DCP1B: variants seen among roughly 807,000 people sequenced by gnomAD.
DCP1B encodes the protein decapping mRNA 1B.
DCP1B carries 47 observed loss-of-function variants against 60.5 expected under a neutral mutation model. The observed-to-expected ratio is 0.78, with a 90% CI of 0.61 to 0.99. The LOEUF is 0.99. Ranked by LOEUF, DCP1B falls within the 50% of genes least tolerant of loss-of-function variation. The pLI, the probability that DCP1B is intolerant of heterozygous loss-of-function variation, is 0.00. For synonymous variants in DCP1B, 267 were observed against 280.3 expected (o/e 0.95, Z 0.47); for missense variants, 725 against 756.8 (o/e 0.96, Z 0.49).
At chr12:1,959,357 G>A (rs1290707473) in intron 5 of DCP1B, among the ~76,000 whole-genome samples, 1 of 152,202 alleles carries the variant, frequency 6.6e-6, no homozygotes, top group East Asian at 1.9e-4. Context: ...CATGTCCAAA[G>A]TAGATAAGGA....
chr12:1,956,433 C>G (rs1312022809), intron 5 of DCP1B, among the ~76,000 whole-genome samples: 2 of 152,190 alleles, frequency 1.3e-5, no homozygotes, highest in African/African-American at 4.8e-5. Flanking sequence ...TAAACACAAT[C>G]TTGTCCCTCA....
chr12:1,974,141 T>A (rs1001281589), intron 3 of DCP1B, among the ~76,000 whole-genome samples: 1 of 152,140 alleles, frequency 6.6e-6, no homozygotes, highest in African/African-American at 2.4e-5. Flanking sequence ...ACTTGCTGAG[T>A]TGAAATGAAA....
At chr12:1,987,926 T>G (rs1228440561) in intron 3 of DCP1B, among the ~76,000 whole-genome samples, 2 of 152,350 alleles carry the variant, frequency 1.3e-5, no homozygotes, top group Non-Finnish European at 2.9e-5. Flanking sequence ...CACCAAACTC[T>G]TAAAAAGTAG....
chr12:1,974,484 A>G (rs1565791371), intron 3 of DCP1B, among the ~76,000 whole-genome samples: 1 of 152,142 alleles, frequency 6.6e-6, no homozygotes, highest in Non-Finnish European at 1.5e-5. Flanking sequence ...GTACTCGTTT[A>G]ATGTGTATTT....
At chr12:1,990,267 T>C (rs997275415) in intron 3 of DCP1B, among the ~76,000 whole-genome samples, 9 of 152,192 alleles carry the variant, frequency 5.9e-5, no homozygotes, top group African/African-American at 2.2e-4. Flanking sequence ...ACAGTAAATG[T>C]TTGTTGAATA....
intron 5 of DCP1B, among the ~76,000 whole-genome samples, 161 bp downstream of exon 5, chr12:1,965,397 A>G (rs553460975): frequency 2.0e-5 from 3 of 152,286 alleles, no homozygotes; most frequent in South Asian, 4.1e-4. Flanking sequence ...AGTTTTCTTC[A>G]GCTTATAAAA....
At chr12:2,004,078 AC>A in intron 1 of DCP1B, 1 of 695,312 alleles carries the variant, frequency 1.4e-6, no homozygotes, top group Non-Finnish European at 2.4e-6. Flanking sequence ...CTTTTCCCCA[AC>A]TCCAGGTAGC....
Position 1,948,535 on chromosome 12 carries a change from C to A in DCP1B, c.1773+551G>T, listed in dbSNP as rs2240611. Among the ~76,000 whole-genome samples, 73,319 of 152,118 alleles carry A rather than the reference C, an allele frequency of 0.48. 17,894 individuals carry two copies. The highest frequency in any genetic ancestry group is 0.73 in the East Asian group (3,786 of 5,184). ...AGCACTCATTATTATTTCATAATTT[C>A]ATAGGCAAGTGAGGCTAGCAGCTCA... On this transcript the variant is annotated intron_variant, in intron 8 of 8. Transcript: ENST00000280665. This position sits in a 1 kb window ranked among gnomAD's most constrained non-coding sequence, Gnocchi z 4.8.
chr12:1,974,189 G>T (rs1309565415), intron 3 of DCP1B, among the ~76,000 whole-genome samples: 4 of 152,068 alleles, frequency 2.6e-5, no homozygotes, highest in African/African-American at 9.7e-5. Flanking sequence ...AATAACCCTT[G>T]TAATTGCTAA....
At chr12:1,990,523 T>A (rs542849579) in intron 3 of DCP1B, among the ~76,000 whole-genome samples, 1 of 152,262 alleles carries the variant, frequency 6.6e-6, no homozygotes, top group Non-Finnish European at 1.5e-5. Context: ...TCTACATTCA[T>A]CCAATTCAAG....
intron 3 of DCP1B, among the ~76,000 whole-genome samples, chr12:1,979,022 C>T (rs1325242595): frequency 3.9e-5 from 6 of 152,118 alleles, no homozygotes; most frequent in African/African-American, 1.2e-4. Flanking sequence ...TTTGTGTGGA[C>T]ATGTGCTTTC....
chr12:1,949,095 G>T lies in DCP1B; in HGVS notation c.1764C>A (p.Tyr588Ter). 1 of 1,613,808 alleles carries T rather than the reference G, an allele frequency of 6.2e-7. No homozygotes were observed. The highest frequency in any genetic ancestry group is 8.5e-7 in the Non-Finnish European group (1 of 1,179,790). The change falls in exon 8 of 9, where the codon TAC (tyrosine) becomes TAA (stop). Residue 588 changes from tyrosine (Y) to a stop codon, truncating the protein, a stop_gained. Transcript: ENST00000280665. LOFTEE classifies it high-confidence loss of function. ...TGACGTGCTTGCTTACCTGAATGAG[G>T]TACAGCAGTGCCTCCTGGAGCTGGA... ...TKLQLQEALL[Y>*]LIQNDDNFLN...
intron 3 of DCP1B, among the ~76,000 whole-genome samples, chr12:1,979,832 T>C (rs2035586963): frequency 6.6e-6 from 1 of 152,254 alleles, no homozygotes. Flanking sequence ...TTATTTGGGC[T>C]TTAATCTGCA....
downstream of DCP1B, among the ~76,000 whole-genome samples, chr12:1,945,286 T>C (rs960709960): frequency 6.6e-6 from 1 of 152,162 alleles, no homozygotes; most frequent in African/African-American, 2.4e-5. Context: ...CAACAGATGC[T>C]GGAGAGGATG....
chr12:1,960,148 T>C (rs1166640203), intron 5 of DCP1B, among the ~76,000 whole-genome samples: 1 of 152,166 alleles, frequency 6.6e-6, no homozygotes, highest in African/African-American at 2.4e-5. Flanking sequence ...TAAGTGTTCA[T>C]CAATGAATGA....
chr12:1,946,151 C>A lies in DCP1B; in HGVS notation c.*55G>T. The A allele has an allele frequency of 7.5e-7, 1 of 1,341,672 alleles. No individual in the cohort carries two copies. 83.1% of individuals were successfully genotyped at this position (1,341,672 alleles called of 1,614,324 possible). On this transcript the variant is annotated 3_prime_UTR_variant, in exon 9 of 9. Transcript: ENST00000280665. ...GGAAACAACACTCAACATGAAAGAA[C>A]CTTGTGCCGGAGTTCTAGAAGGACC...
In DCP1B at chr12:1,948,172, T is replaced by C. The variant is rs985895852; in HGVS notation, c.1773+914A>G. 6.6e-6 allele frequency among the ~76,000 whole-genome samples: 1 copy of C among 152,244 alleles called. No individual in the cohort carries two copies. The highest frequency in any genetic ancestry group is 2.4e-5 in the African/African-American group (1 of 41,466). ...TCTGAAGTCTGTCTGGCTACAAATG[T>C]TCCACTTTTCAAGGACTGCCGTTGA... On this transcript the variant is annotated intron_variant, in intron 8 of 8. Coordinates refer to ENST00000280665, the MANE Select transcript of DCP1B (RefSeq NM_152640.5). This position sits in a 1 kb window ranked among gnomAD's most constrained non-coding sequence, Gnocchi z 4.8.
At chr12:1,977,671 G>A (rs542646701) in intron 3 of DCP1B, among the ~76,000 whole-genome samples, 1 of 152,224 alleles carries the variant, frequency 6.6e-6, no homozygotes, top group South Asian at 2.1e-4. Context: ...CCATACCACT[G>A]CCTTCTCAAT....
rs559680282 is a variant in DCP1B at position 1,971,436 on chromosome 12, G to A, written c.320-3526C>T. ...AGTGATGTTTGAGGCAACAGGCAAT[G>A]CAATACTGCCTTTACATAATGAAAC... On this transcript the variant is annotated intron_variant, in intron 3 of 8. Transcript: ENST00000280665. The surrounding 1 kb of genome is among the most constrained non-coding windows in gnomAD (Gnocchi z 4.2). 6.6e-6 allele frequency among the ~76,000 whole-genome samples: 1 copy of A among 152,310 alleles called. No individual in the cohort carries two copies. The highest frequency in any genetic ancestry group is 2.1e-4 in the South Asian group (1 of 4,814).
Sources: gnomAD v4.1 joint callset for allele counts (sites outside exome capture counted in the v4.1 genomes callset) on GRCh38, gnomAD v4.1.1 for gene constraint, Gnocchi (gnomAD v3.1) non-coding constraint, MANE v1.5 for transcripts, NCBI Gene and HGNC (gene_info 2026-07-23, HGNC 2026-07-21) for gene names.